The following ZDHHC21 variants were observed in gnomAD, a reference collection of about 807,000 sequenced individuals.
ZDHHC21 encodes the protein zDHHC palmitoyltransferase 21.
ZDHHC21 carries 15 observed loss-of-function variants against 34.6 expected under a neutral mutation model. That is an observed-to-expected ratio of 0.43 (90% confidence interval 0.29 to 0.67). The LOEUF (loss-of-function observed/expected upper bound fraction) is 0.67, where lower values mean the gene tolerates loss of function less well. Ranked by LOEUF, ZDHHC21 falls within the 30% of genes least tolerant of loss-of-function variation. The pLI is 0.14. For missense variants in ZDHHC21, 344 were observed against 327.7 expected, an observed-to-expected ratio of 1.05 and a Z score of -0.38; for synonymous variants, 142 against 101.8, an observed-to-expected ratio of 1.40 and a Z score of -2.38.
intron 6 of ZDHHC21, among the ~76,000 whole-genome samples, chr9:14,660,811 T>C (rs994970268): frequency 1.1e-4 from 16 of 151,954 alleles, no homozygotes; most frequent in African/African-American, 3.6e-4. Flanking sequence ...ACTACTGCAT[T>C]CGTTTGAAAA....
At chr9:14,633,189 C>G (rs145049028) in intron 8 of ZDHHC21, among the ~76,000 whole-genome samples, 33 of 152,226 alleles carry the variant, frequency 2.2e-4, no homozygotes, top group African/African-American at 7.9e-4. Flanking sequence ...GATAATCACA[C>G]GTAAAATATA....
chr9:14,686,068 G>A (rs1034987541), intron 2 of ZDHHC21, among the ~76,000 whole-genome samples: 1 of 151,904 alleles, frequency 6.6e-6, no homozygotes, highest in Non-Finnish European at 1.5e-5. Context: ...GGTGGGGGAG[G>A]GGGGAGGAAT....
chr9:14,621,957 T>C (rs193023835), intron 8 of ZDHHC21, among the ~76,000 whole-genome samples: 1 of 152,140 alleles, frequency 6.6e-6, no homozygotes, highest in Non-Finnish European at 1.5e-5. Context: ...GTGCTCATCA[T>C]GAAAGGACCA....
rs1801896612 is a variant in ZDHHC21, at chr9:14,618,893, A to C, written c.*73T>G. On this transcript the variant is annotated 3_prime_UTR_variant, in exon 10 of 10. Transcript: ENST00000380916. ...GATTTTAATTGACTTGAAGACTGTC[A>C]TAGTTCTATTATCATAAAACCTGTA... 17 of 1,449,800 alleles carry C rather than the reference A, an allele frequency of 1.2e-5. No homozygotes were observed. Among genetic ancestry groups the C allele is most frequent in the Admixed American group, 2.4e-5 (1 of 41,616 alleles). 89.8% of individuals were successfully genotyped at this position (1,449,800 alleles called of 1,614,324 possible). A position where few individuals can be genotyped will look rare whatever the true frequency, so the allele number is the denominator to read the frequency against.
intron 3 of ZDHHC21, among the ~76,000 whole-genome samples, chr9:14,679,797 A>C (rs1305806719): frequency 6.6e-6 from 1 of 152,108 alleles, no homozygotes; most frequent in African/African-American, 2.4e-5. Flanking sequence ...TATAAGACTT[A>C]CGATTCAGAA....
chr9:14,657,232 A>T (rs1440360490), intron 7 of ZDHHC21, among the ~76,000 whole-genome samples: 2 of 152,130 alleles, frequency 1.3e-5, no homozygotes, highest in African/African-American at 4.8e-5. Context: ...TTTTCATGAA[A>T]ATTAATAGGC....
chr9:14,591,118 A>G, the ZDHHC21 span, among the ~76,000 whole-genome samples: 1 of 152,168 alleles, frequency 6.6e-6, no homozygotes, highest in Non-Finnish European at 1.5e-5. Context: ...TCATAAACCA[A>G]TAGTGGGAAT....
intron 7 of ZDHHC21, among the ~76,000 whole-genome samples, chr9:14,642,153 G>C (rs577864323): frequency 6.6e-6 from 1 of 151,910 alleles, no homozygotes; most frequent in Admixed American, 6.6e-5. Flanking sequence ...TATATTTAAA[G>C]TATTTATGTA....
Position 14,672,922 on chromosome 9 carries a change from T to C in ZDHHC21, c.161A>G (p.Tyr54Cys), listed in dbSNP as rs1302890450. 17 of 1,569,282 alleles carry C rather than the reference T, an allele frequency of 1.1e-5. No individual in the cohort carries two copies. The highest frequency in any genetic ancestry group is 1.7e-5 in the Admixed American group (1 of 57,998). Reference protein sequence around the residue: ...HIPGILIIIFYGISIFCLVAL... With the variant: ...HIPGILIIIFCGISIFCLVAL... ...AACCAGACAGAATATGGAAATGCCA[T>C]AGAATACTTTAAAATAAATAAATTA... The change falls in exon 5 of 10, where the codon TAT becomes TGT. Residue 54 changes from tyrosine (Y) to cysteine (C), a missense_variant. Physicochemically the swap from Tyr to Cys is radical, Grantham distance 194. Transcript: ENST00000380916.
chr9:14,658,426 T>A (rs1225060662), intron 7 of ZDHHC21, among the ~76,000 whole-genome samples: 4 of 149,464 alleles, frequency 2.7e-5, no homozygotes, highest in Non-Finnish European at 4.5e-5. Context: ...AATAATTGTA[T>A]GCTACAACTG....
intron 6 of ZDHHC21, among the ~76,000 whole-genome samples, chr9:14,659,551 T>G (rs544117125): frequency 6.6e-6 from 1 of 152,344 alleles, no homozygotes; most frequent in East Asian, 1.9e-4. Flanking sequence ...TGTTCCAAAT[T>G]TATTGTATCC....
the ZDHHC21 span, among the ~76,000 whole-genome samples, chr9:14,601,060 G>A: frequency 6.6e-6 from 1 of 152,134 alleles, no homozygotes; most frequent in South Asian, 2.1e-4. Context: ...GAAGAAAACT[G>A]AGGCAATACC....
intron 7 of ZDHHC21, among the ~76,000 whole-genome samples, chr9:14,646,829 C>G (rs1227149897): frequency 6.6e-6 from 1 of 152,048 alleles, no homozygotes; most frequent in Non-Finnish European, 1.5e-5. Flanking sequence ...GTATTTATCT[C>G]CATCTGATAT....
At chr9:14,603,743 T>A in the ZDHHC21 span, among the ~76,000 whole-genome samples, 1 of 152,168 alleles carries the variant, frequency 6.6e-6, no homozygotes, top group Admixed American at 6.5e-5. Flanking sequence ...GTGAAATATT[T>A]AGAAAAAGGG....
chr9:14,602,000 G>A, the ZDHHC21 span, among the ~76,000 whole-genome samples: 18 of 152,164 alleles, frequency 1.2e-4, 1 homozygote, highest in South Asian at 3.7e-3. Context: ...CAGTCAGGAG[G>A]TGGGGGAGCT....
chr9:14,592,628 A>C, the ZDHHC21 span, among the ~76,000 whole-genome samples: 3 of 152,170 alleles, frequency 2.0e-5, no homozygotes, highest in African/African-American at 4.8e-5. Context: ...AAAAGCAGTG[A>C]GGATATAAAA....
At position 14,662,341 on chromosome 9, in the gene ZDHHC21, T is replaced by C. The variant is rs1362943981; in HGVS notation, c.254-15A>G. The C allele has an allele frequency of 6.3e-7, 1 of 1,585,852 alleles. No individual in the cohort carries two copies. Among genetic ancestry groups the C allele is most frequent in the African/African-American group, 1.4e-5 (1 of 73,856 alleles). ...GAACTCCCTTTCTAAAGAAAAGAAA[T>C]TAAAATCCATTTAATGAAGGCAAGT... On this transcript the variant is annotated splice_polypyrimidine_tract_variant and intron_variant, in intron 5 of 9. Transcript: ENST00000380916.
chr9:14,590,111 CTAAA>C, the ZDHHC21 span: 5 of 151,922 alleles, frequency 3.3e-5, no homozygotes, highest in African/African-American at 1.2e-4. Context: ...TAAAGAAAAA[CTAAA>C]TATGACTTCT....
chr9:14,684,993 T>TA (rs891277828), intron 2 of ZDHHC21, among the ~76,000 whole-genome samples: 3 of 152,228 alleles, frequency 2.0e-5, no homozygotes, highest in Non-Finnish European at 4.4e-5. Flanking sequence ...GAAAACTGGA[T>TA]AGCCATATGT....
Sources: allele counts gnomAD v4.1 joint callset (sites outside exome capture counted in the v4.1 genomes callset), GRCh38; gene constraint gnomAD v4.1.1; transcripts MANE v1.5; gene names NCBI Gene and HGNC (gene_info 2026-07-23, HGNC 2026-07-21).